The following UGT2A3 variants were observed in gnomAD, a reference collection of about 807,000 sequenced individuals.
UGT2A3 encodes the protein UDP glucuronosyltransferase family 2 member A3, also known as UDP-glucuronosyltransferase 2A3.
Under a neutral mutation model 44.1 loss-of-function variants are expected in UGT2A3, and 55 were observed. The ratio of observed to expected loss-of-function variants is 1.25; its 90% CI spans 1.00 to 1.56. The LOEUF is 1.56. Ranked by LOEUF, UGT2A3 falls within the 40% of genes most tolerant of loss-of-function variation. The pLI, the probability that UGT2A3 is intolerant of heterozygous loss-of-function variation, is 0.00. For synonymous variants in UGT2A3, 243 were observed against 215.1 expected, an observed-to-expected ratio of 1.13 and a Z score of -1.13; for missense variants, 733 against 621.6, an observed-to-expected ratio of 1.18 and a Z score of -1.91.
chr4:68,937,770 G>A (rs2109784407), intron 2 of UGT2A3, among the ~76,000 whole-genome samples: 1 of 152,180 alleles, frequency 6.6e-6, no homozygotes, highest in Non-Finnish European at 1.5e-5. Context: ...AATGAATCCA[G>A]GAGCTGGTTG....
At chr4:68,940,634 A>G (rs1246626512) in intron 2 of UGT2A3, among the ~76,000 whole-genome samples, 2 of 151,540 alleles carry the variant, frequency 1.3e-5, no homozygotes, top group Non-Finnish European at 2.9e-5. Flanking sequence ...AAAATGGCAC[A>G]TGTATACCTA....
Position 68,937,652 on chromosome 4 carries a change from C to T in UGT2A3, c.865-4893G>A, listed in dbSNP as rs543186166. Among the ~76,000 whole-genome samples, 4 of 152,060 alleles carry T rather than the reference C, an allele frequency of 2.6e-5. No individual in the cohort carries two copies. The South Asian group carries it at 6.2e-4, about 24-fold the overall frequency. ...CACCCTAACATCACAATTAATAGAA[C>T]CAGAGAAGCAAGAGCAAATACATTC... On this transcript the variant is annotated intron_variant, in intron 2 of 5. Transcript: ENST00000251566.
intron 2 of UGT2A3, among the ~76,000 whole-genome samples, chr4:68,937,145 A>G (rs1026821030): frequency 6.6e-6 from 1 of 152,092 alleles, no homozygotes; most frequent in African/African-American, 2.4e-5. Flanking sequence ...TGTTGTTATT[A>G]GAAAGATCAA....
At position 68,945,391 on chromosome 4, in the gene UGT2A3, C is replaced by T; in HGVS notation, c.779G>A (p.Trp260Ter). The T allele has an allele frequency of 1.2e-6, 2 of 1,611,344 alleles. No homozygotes were observed. The highest frequency in any genetic ancestry group is 1.7e-6 in the Non-Finnish European group (2 of 1,178,428). The change falls in exon 2 of 6, where the codon TGG (tryptophan) becomes TAG (stop). Residue 260 changes from tryptophan (W) to a stop codon, truncating the protein, a stop_gained. Coordinates refer to ENST00000251566, the MANE Select transcript of UGT2A3 (RefSeq NM_024743.4). LOFTEE classifies it high-confidence loss of function. ...KAEIWLIRTY[W>*]DFEFPQPYQP... is the part of the protein sequence containing the mutation. ...GTATGGTTGAGGAAATTCAAAATCC[C>T]AATATGTTCGTATTAGCCATATCTC... is the stretch of plus-strand genomic sequence containing the variant.
chr4:68,950,987 C>T (rs1718561279), intron 1 of UGT2A3, 59 bp downstream of exon 1: 1 of 1,258,374 alleles, frequency 7.9e-7, no homozygotes, highest in Non-Finnish European at 1.1e-6. Context: ...CAATGTATGA[C>T]AATTTTTAAA....
At chr4:68,942,504 G>GATATAGATATAT (rs1553902066) in intron 2 of UGT2A3, among the ~76,000 whole-genome samples, 1 of 131,028 alleles carries the variant, frequency 7.6e-6, no homozygotes, top group Non-Finnish European at 1.6e-5. Flanking sequence ...TTCCACTGGA[G>GATATAGATATAT]ATATATATAT....
At chr4:68,930,790 T>A (rs776002016) in intron 4 of UGT2A3, 25 bp from the exon 5 acceptor site, 12 of 1,521,360 alleles carry the variant, frequency 7.9e-6, no homozygotes, top group Non-Finnish European at 9.7e-6. Flanking sequence ...GGATGAGAAA[T>A]GGTGAGATAT....
chr4:68,945,258 C>A, intron 2 of UGT2A3, 48 bp downstream of exon 2: 1 of 1,600,734 alleles, frequency 6.2e-7, no homozygotes, highest in East Asian at 2.3e-5. Flanking sequence ...CAAGGGAAAA[C>A]AAGTCATGTC....
intron 2 of UGT2A3, among the ~76,000 whole-genome samples, chr4:68,940,094 T>G (rs1488664163): frequency 6.6e-6 from 1 of 152,150 alleles, no homozygotes; most frequent in Non-Finnish European, 1.5e-5. Context: ...TTTTACACTG[T>G]TGGTGGGAAT....
intron 2 of UGT2A3, among the ~76,000 whole-genome samples, chr4:68,936,600 C>T (rs1458463628): frequency 2.0e-5 from 3 of 152,022 alleles, no homozygotes; most frequent in African/African-American, 7.2e-5. Context: ...CCAGCCACTG[C>T]AAAAACATGC....
chr4:68,931,109 AT>A, intron 4 of UGT2A3, 45 bp downstream of exon 4: 3 of 1,461,596 alleles, frequency 2.1e-6, no homozygotes, highest in Non-Finnish European at 1.9e-6. Flanking sequence ...ACATTTATTC[AT>A]TTTTTCCTCG....
intron 2 of UGT2A3, among the ~76,000 whole-genome samples, chr4:68,937,083 G>A (rs932602433): frequency 1.3e-5 from 2 of 151,844 alleles, no homozygotes; most frequent in Non-Finnish European, 2.9e-5. Flanking sequence ...AGCAAGTCCT[G>A]AGAGACCGAC....
chr4:68,945,325 G>A lies in UGT2A3; in HGVS notation c.845C>T (p.Pro282Leu), dbSNP rs1474492555. ...FEFVGGLHCK[P>L]AKALPKEMEN... ...TCCTACCTTAGGCAAAGCTTTGGCA[G>A]GTTTACAGTGCAATCCTCCAACAAA... Residue 282 changes from proline (P) to leucine (L), a missense_variant, in exon 2 of 6, where the codon CCT becomes CTT. Pro to Leu is a moderately conservative substitution (Grantham distance 98). Transcript: ENST00000251566. 1 of 1,611,284 alleles carries A rather than the reference G, an allele frequency of 6.2e-7. No individual in the cohort carries two copies. The highest frequency in any genetic ancestry group is 1.3e-5 in the African/African-American group (1 of 74,824).
chr4:68,935,276 GTATA>G (rs57286694), intron 2 of UGT2A3, among the ~76,000 whole-genome samples: 1,304 of 59,920 alleles, frequency 0.022, 39 homozygotes, highest in East Asian at 0.069. Context: ...ATGTATGTAT[GTATA>G]TATATATATA....
At chr4:68,943,081 C>T in intron 2 of UGT2A3, among the ~76,000 whole-genome samples, 1 of 151,654 alleles carries the variant, frequency 6.6e-6, no homozygotes, top group East Asian at 1.9e-4. Flanking sequence ...TAAGACAGCC[C>T]TAAAATATAT....
At chr4:68,935,934 G>A (rs915186489) in intron 2 of UGT2A3, among the ~76,000 whole-genome samples, 6 of 151,936 alleles carry the variant, frequency 3.9e-5, no homozygotes, top group African/African-American at 9.7e-5. Flanking sequence ...TTCAATAGCC[G>A]ATTTGATCAG....
At chr4:68,945,263 C>T in intron 2 of UGT2A3, 43 bp downstream of exon 2, 1 of 1,603,792 alleles carries the variant, frequency 6.2e-7, no homozygotes, top group Non-Finnish European at 8.5e-7. Context: ...GAAAACAAGT[C>T]ATGTCATAAA....
chr4:68,930,003 A>C lies in UGT2A3; in HGVS notation c.1394T>G (p.Val465Gly). The C allele has an allele frequency of 6.2e-7, 1 of 1,613,686 alleles. No individual in the cohort carries two copies. Among genetic ancestry groups the C allele is most frequent in the South Asian group, 1.1e-5 (1 of 91,072 alleles). ...LDRAVFWIEF[V>G]MRHKGAKHLR... ...GTGCTTGGCTCCTTTGTGGCGCATG[A>C]CAAACTCGATCCAGAAGACTGCTCG... The change falls in exon 6 of 6, where the codon GTC becomes GGC. Residue 465 changes from valine to glycine, a missense_variant. Coordinates refer to ENST00000251566, the MANE Select transcript of UGT2A3 (RefSeq NM_024743.4).
intron 3 of UGT2A3, 100 bp from the exon 4 acceptor site, chr4:68,931,342 G>T (rs1195411810): frequency 1.1e-6 from 1 of 947,030 alleles, no homozygotes; most frequent in Non-Finnish European, 1.6e-6. Flanking sequence ...TGTACTTCAG[G>T]TGATGGTTGA....
Sources: allele counts gnomAD v4.1 joint callset (sites outside exome capture counted in the v4.1 genomes callset), GRCh38; gene constraint gnomAD v4.1.1; transcripts MANE v1.5; gene names NCBI Gene and HGNC (gene_info 2026-07-23, HGNC 2026-07-21).